ENTREP1: variants seen among roughly 807,000 people sequenced by gnomAD.
The protein encoded by ENTREP1 is endosomal transmembrane epsin interactor 1.
At chr9:69,383,486 T>C in the ENTREP1 span, 1 of 1,505,998 alleles carries the variant, frequency 6.6e-7, no homozygotes, top group Non-Finnish European at 8.9e-7. Flanking sequence ...TCTATTATTC[T>C]CCCTCTCCTG....
the ENTREP1 span, among the ~76,000 whole-genome samples, chr9:69,342,302 G>A: frequency 6.6e-6 from 1 of 152,162 alleles, no homozygotes; most frequent in Non-Finnish European, 1.5e-5. Context: ...AGTTCACAAT[G>A]AGTTGAATGA....
At chr9:69,389,571 A>G in the ENTREP1 span, among the ~76,000 whole-genome samples, 1 of 152,246 alleles carries the variant, frequency 6.6e-6, no homozygotes, top group East Asian at 1.9e-4. Context: ...CCAGTTACTA[A>G]CCTATGTAGG....
chr9:69,336,217 T>TA, the ENTREP1 span: 1 of 1,552,254 alleles, frequency 6.4e-7, no homozygotes, highest in Non-Finnish European at 8.8e-7. Context: ...TTACAGGTGA[T>TA]ACTCTCTGGA....
chr9:69,372,513 A>G, the ENTREP1 span, among the ~76,000 whole-genome samples: 1 of 152,110 alleles, frequency 6.6e-6, no homozygotes, highest in Non-Finnish European at 1.5e-5. Flanking sequence ...CATGTGTTAG[A>G]ATTCCCTTCC....
chr9:69,333,345 C>G, the ENTREP1 span, among the ~76,000 whole-genome samples: 5 of 151,612 alleles, frequency 3.3e-5, no homozygotes, highest in African/African-American at 1.2e-4. Flanking sequence ...GACTCTGTCA[C>G]CCAGGCTGGA....
the ENTREP1 span, among the ~76,000 whole-genome samples, chr9:69,370,057 G>C: frequency 4.7e-5 from 7 of 149,824 alleles, no homozygotes. Context: ...TAAGATTTTA[G>C]TGAAGAGATT....
At chr9:69,331,214 G>A in the ENTREP1 span, among the ~76,000 whole-genome samples, 1 of 152,102 alleles carries the variant, frequency 6.6e-6, no homozygotes, top group African/African-American at 2.4e-5. Context: ...TTACAACATG[G>A]CTTTTTAAAA....
chr9:69,325,748 T>C, the ENTREP1 span: 1 of 1,223,858 alleles, frequency 8.2e-7, no homozygotes, highest in Non-Finnish European at 1.0e-6. Flanking sequence ...CGCGCCCCGT[T>C]CGCCCGGTCA....
At chr9:69,391,653 G>A in the ENTREP1 span, 86 of 1,613,986 alleles carry the variant, frequency 5.3e-5, no homozygotes, top group Admixed American at 5.3e-4. Context: ...CTGCCCTCGC[G>A]GAGACAGCCT....
chr9:69,375,467 A>T, the ENTREP1 span, among the ~76,000 whole-genome samples: 1 of 152,242 alleles, frequency 6.6e-6, no homozygotes. Flanking sequence ...TTAGTACTAA[A>T]CAGGATTAGT....
chr9:69,375,998 C>T, the ENTREP1 span: 2 of 853,934 alleles, frequency 2.3e-6, no homozygotes, highest in Non-Finnish European at 1.8e-6. Context: ...GTGAGTGACC[C>T]CAGAGACAGA....
the ENTREP1 span, among the ~76,000 whole-genome samples, chr9:69,354,927 C>T: frequency 6.6e-6 from 1 of 152,112 alleles, no homozygotes; most frequent in Non-Finnish European, 1.5e-5. Context: ...TAAACCGTTC[C>T]CTCCTTTGAG....
At chr9:69,356,073 TC>T in the ENTREP1 span, among the ~76,000 whole-genome samples, 1 of 152,206 alleles carries the variant, frequency 6.6e-6, no homozygotes, top group Non-Finnish European at 1.5e-5. Context: ...CCACTGTCCA[TC>T]TCCAGAACTT....
the ENTREP1 span, chr9:69,387,076 C>T: frequency 4.6e-5 from 7 of 152,382 alleles, no homozygotes; most frequent in East Asian, 1.4e-3. Flanking sequence ...AGAACAGCAG[C>T]TGCTGGAGCC....
At chr9:69,377,402 C>T in the ENTREP1 span, 7 of 1,613,848 alleles carry the variant, frequency 4.3e-6, no homozygotes, top group Non-Finnish European at 5.9e-6. Context: ...CCTTGAATGC[C>T]CTGACCACCA....
At chr9:69,367,091 A>AT in the ENTREP1 span, among the ~76,000 whole-genome samples, 341 of 105,722 alleles carry the variant, frequency 3.2e-3, 6 homozygotes, top group East Asian at 0.038. Context: ...TAATTAAACA[A>AT]TTTTTTTTTT....
chr9:69,371,504 C>T, the ENTREP1 span: 1 of 1,611,254 alleles, frequency 6.2e-7, no homozygotes, highest in Non-Finnish European at 8.5e-7. Flanking sequence ...TTCAGGTAAA[C>T]CTCTTTGTGC....
At chr9:69,335,328 A>C in the ENTREP1 span, among the ~76,000 whole-genome samples, 1 of 152,202 alleles carries the variant, frequency 6.6e-6, no homozygotes, top group Non-Finnish European at 1.5e-5. Context: ...GAGGGCTTCC[A>C]TGAGTGTGGA....
At chr9:69,336,944 C>A in the ENTREP1 span, among the ~76,000 whole-genome samples, 1,372 of 151,460 alleles carry the variant, frequency 9.1e-3, 23 homozygotes, top group African/African-American at 0.032. Flanking sequence ...GTGATCCTCC[C>A]GCCTTGGCCT....
Sources: allele counts gnomAD v4.1 joint callset (sites outside exome capture counted in the v4.1 genomes callset), GRCh38; gene constraint gnomAD v4.1.1; transcripts MANE v1.5; gene names NCBI Gene and HGNC (gene_info 2026-07-23, HGNC 2026-07-21).